Variants in RAB40C observed in about 807,000 individuals in gnomAD.
RAB40C encodes the protein ras-related protein Rab-40C.
In RAB40C, 8 loss-of-function variants were observed where a neutral mutation model predicts 28.1. The observed-to-expected ratio is 0.28, with a 90% CI of 0.17 to 0.51. The LOEUF is 0.51. Ranked by LOEUF, RAB40C falls within the 20% of genes least tolerant of loss-of-function variation. The pLI, the probability that RAB40C is intolerant of heterozygous loss-of-function variation, is 0.97. For synonymous variants in RAB40C, 201 were observed against 171.7 expected (o/e 1.17, Z -1.34); for missense variants, 288 against 405.9 (o/e 0.71, Z 2.50).
chr16:622,906 G>A (rs2036751255), intron 3 of RAB40C, among the ~76,000 whole-genome samples: 2 of 152,186 alleles, frequency 1.3e-5, no homozygotes, highest in African/African-American at 4.8e-5. Context: ...GCAGCTGAGG[G>A]TGCTTAGGGT....
At chr16:601,116 G>C (rs2036240397) in intron 1 of RAB40C, among the ~76,000 whole-genome samples, 1 of 152,186 alleles carries the variant, frequency 6.6e-6, no homozygotes, top group African/African-American at 2.4e-5. Flanking sequence ...CAGTAAATGG[G>C]CCTGCTGCTT....
intron 2 of RAB40C, 92 bp downstream of exon 2, chr16:617,360 T>A (rs2036609274): frequency 1.3e-6 from 2 of 1,491,800 alleles, no homozygotes; most frequent in Admixed American, 3.4e-5. Flanking sequence ...AGGCGTCCTG[T>A]TTGCATTTCA....
At chr16:602,112 C>G (rs1486594440) in intron 1 of RAB40C, among the ~76,000 whole-genome samples, 1 of 151,944 alleles carries the variant, frequency 6.6e-6, no homozygotes, top group Non-Finnish European at 1.5e-5. Flanking sequence ...GGCAACAGCT[C>G]TCAAAACAAA....
intron 1 of RAB40C, among the ~76,000 whole-genome samples, chr16:595,590 T>C (rs1336790743): frequency 2.0e-5 from 3 of 151,338 alleles, no homozygotes; most frequent in Non-Finnish European, 4.4e-5. Context: ...TGGGTCATTA[T>C]AACTTTTTTC....
In RAB40C at chr16:629,042, C is replaced by T. The variant is rs2036902243; in HGVS notation, c.*1420C>T. 6.4e-6 allele frequency: 1 copy of T among 156,326 alleles called. No individual in the cohort carries two copies. Among genetic ancestry groups the T allele is most frequent in the Admixed American group, 6.2e-5 (1 of 16,056 alleles). The allele number at this position is 156,326 out of a possible 1,614,324, so 9.7% of individuals were successfully genotyped here. A position where few individuals can be genotyped will look rare whatever the true frequency, so the allele number is the denominator to read the frequency against. On this transcript the variant is annotated 3_prime_UTR_variant, in exon 6 of 6. Coordinates refer to ENST00000248139, the MANE Select transcript of RAB40C (RefSeq NM_021168.5). ...CAGGCAGGCGGCCCTGCCACAGCCC[C>T]CAAAGACACTGGCCTCCTGCTCCAG...
chr16:605,385 A>G (rs372538109), intron 1 of RAB40C, among the ~76,000 whole-genome samples: 2 of 152,320 alleles, frequency 1.3e-5, no homozygotes. Context: ...TGTACAAAAA[A>G]ACCCCTTTAA....
Position 626,038 on chromosome 16 carries a change from T to G in RAB40C, c.482T>G (p.Phe161Cys). The G allele has an allele frequency of 6.2e-7, 1 of 1,613,458 alleles. No homozygotes were observed. Among genetic ancestry groups the G allele is most frequent in the Non-Finnish European group, 8.5e-7 (1 of 1,179,996 alleles). Residue 161 changes from phenylalanine to cysteine, a missense_variant, in exon 5 of 6, where the codon TTC becomes TGC. Around this residue, in one of 3 missense-constraint regions of RAB40C, gnomAD observed 153 missense variants for 262.4 expected, o/e 0.58. Coordinates refer to ENST00000248139, the MANE Select transcript of RAB40C (RefSeq NM_021168.5). ...TFFEVSPLCN[F>C]NVIESFTELS... ...TTTGAGGTCAGCCCCCTGTGCAACT[T>G]CAACGTCATCGAGTCCTTCACGGAG...
intron 3 of RAB40C, among the ~76,000 whole-genome samples, chr16:621,107 G>A (rs2036707239): frequency 1.3e-5 from 2 of 152,246 alleles, no homozygotes; most frequent in Admixed American, 1.3e-4. Context: ...CATGCGAGGA[G>A]CAGGTTACAG....
rs369430036 is a variant in RAB40C, at chr16:599,466, C to T, written c.142+9033C>T. ...GAGGAGGCAGCTTCCCTTGGGGCCA[C>T]GCCGTGCCTCCTCCGTGTGCGCTGC... is the stretch of plus-strand genomic sequence containing the variant. On this transcript the variant is annotated intron_variant, in intron 1 of 5. Coordinates refer to ENST00000248139, the MANE Select transcript of RAB40C (RefSeq NM_021168.5). Among the ~76,000 whole-genome samples the T allele has an allele frequency of 9.8e-5, 15 of 152,370 alleles. No homozygotes were observed. In the Middle Eastern group the frequency reaches 0.014, roughly 138 times the overall value.
At chr16:606,980 A>AG (rs1193324545) in intron 1 of RAB40C, among the ~76,000 whole-genome samples, 1 of 152,192 alleles carries the variant, frequency 6.6e-6, no homozygotes, top group African/African-American at 2.4e-5. Flanking sequence ...TGCTGGTGGC[A>AG]GGCCGGCCCA....
At chr16:600,500 C>T (rs1011991339) in intron 1 of RAB40C, among the ~76,000 whole-genome samples, 1 of 152,152 alleles carries the variant, frequency 6.6e-6, no homozygotes. Context: ...CGCCTGTGAT[C>T]CCAGCACTTT....
rs1045954140 is a variant in RAB40C at position 627,819 on chromosome 16, C to A, written c.*197C>A. ...GCGCGGCAGGCGGGAGGAGGGGGCG[C>A]GGCTGGGCTGCTGGTGCTTCCGGGA... On this transcript the variant is annotated 3_prime_UTR_variant, in exon 6 of 6. Coordinates refer to ENST00000248139, the MANE Select transcript of RAB40C (RefSeq NM_021168.5). The A allele has an allele frequency of 3.5e-6, 2 of 571,712 alleles. No individual in the cohort carries two copies. The highest frequency in any genetic ancestry group is 4.4e-5 in the South Asian group (1 of 22,656). The allele number at this position is 571,712 out of a possible 1,614,324, so 35.4% of individuals were successfully genotyped here.
intron 3 of RAB40C, among the ~76,000 whole-genome samples, chr16:621,937 G>C (rs978415706): frequency 2.0e-5 from 3 of 152,194 alleles, no homozygotes; most frequent in Admixed American, 6.5e-5. Flanking sequence ...ATGTGAGTGG[G>C]CGCGGCTTGG....
intron 1 of RAB40C, among the ~76,000 whole-genome samples, chr16:605,416 C>T (rs867450086): frequency 4.6e-5 from 7 of 152,182 alleles, no homozygotes; most frequent in Middle Eastern, 3.2e-3. Context: ...ACAGTGAGTG[C>T]GGACAGGCAT....
chr16:590,494 G>A, intron 1 of RAB40C, 61 bp downstream of exon 1: 2 of 1,439,022 alleles, frequency 1.4e-6, no homozygotes, highest in Non-Finnish European at 1.8e-6. Context: ...AGCTGGGCAC[G>A]GAGCTCGCCC....
upstream of RAB40C, chr16:589,458 C>T (rs1319890886): frequency 6.6e-6 from 1 of 152,270 alleles, no homozygotes; most frequent in East Asian, 1.9e-4. Context: ...ATCGCCTCGG[C>T]TCGGGCGCGC....
intron 1 of RAB40C, among the ~76,000 whole-genome samples, chr16:599,549 C>G (rs1222457388): frequency 6.6e-6 from 1 of 152,254 alleles, no homozygotes; most frequent in South Asian, 2.1e-4. Context: ...CGTGGGTGTT[C>G]GCTACTGTCA....
chr16:591,402 T>A (rs1394239273), intron 1 of RAB40C, among the ~76,000 whole-genome samples: 3 of 152,020 alleles, frequency 2.0e-5, no homozygotes, highest in Non-Finnish European at 2.9e-5. Context: ...CGGACCCAGG[T>A]CTGGTGGCAG....
intron 1 of RAB40C, chr16:596,421 A>G (rs4984672): frequency 0.29 from 127,738 of 444,518 alleles, 20,495 homozygotes; most frequent in East Asian, 0.59. Flanking sequence ...GTTGCATCAC[A>G]GCTGAGTCCT....
Sources: allele counts gnomAD v4.1 joint callset (sites outside exome capture counted in the v4.1 genomes callset), GRCh38; gene constraint gnomAD v4.1.1; regional missense constraint gnomAD v4.1.1; transcripts MANE v1.5; gene names NCBI Gene and HGNC (gene_info 2026-07-23, HGNC 2026-07-21).